Variants in WBP1L observed in about 807,000 individuals in gnomAD.
WBP1L encodes the protein WW domain binding protein 1-like.
WBP1L carries 17 observed loss-of-function variants against 33.7 expected under a neutral mutation model. The observed-to-expected ratio is 0.50, with a 90% CI of 0.34 to 0.76. WBP1L has a LOEUF of 0.76. WBP1L is among the 30% of genes least tolerant of loss of function. The pLI is 0.01. For synonymous variants in WBP1L, 173 were observed against 190.8 expected, an observed-to-expected ratio of 0.91 and a Z score of 0.77; for missense variants, 389 against 469.4, an observed-to-expected ratio of 0.83 and a Z score of 1.58.
rs544765642 is a variant in WBP1L at position 102,789,787 on chromosome 10, G to C, written c.91-8206G>C. Among the ~76,000 whole-genome samples the C allele has an allele frequency of 9.5e-5, 14 of 147,766 alleles. No homozygotes were observed. In the East Asian group the frequency reaches 2.3e-3, roughly 25 times the overall value. On this transcript the variant is annotated intron_variant, in intron 1 of 3. Transcript: ENST00000448841. ...TTTGACAGTCTCACTCTGTCACCCA[G>C]GCTGGAGTGCAGTGGCATGATCTCG...
chr10:102,812,597 T>C lies in WBP1L; in HGVS notation c.358T>C (p.Phe120Leu). 1 of 1,570,584 alleles carries C rather than the reference T, an allele frequency of 6.4e-7. No individual in the cohort carries two copies. The highest frequency in any genetic ancestry group is 8.7e-7 in the Non-Finnish European group (1 of 1,154,966). ...NYSALPFYFRFLPNYLLPPYE... is the reference protein window; with the variant it reads ...NYSALPFYFRLLPNYLLPPYE... ...TCCTTCCTACCTCCCCATTTTAGGG[T>C]TTTTGCCAAACTATTTACTACCTCC... is the stretch of plus-strand genomic sequence containing the variant. Residue 120 changes from phenylalanine to leucine, a missense_variant and splice_region_variant, in exon 4 of 4, where the codon TTT (phenylalanine) becomes CTT (leucine). Transcript: ENST00000448841.
intron 1 of WBP1L, among the ~76,000 whole-genome samples, chr10:102,760,527 C>G (rs375042410): frequency 6.6e-6 from 1 of 152,078 alleles, no homozygotes; most frequent in South Asian, 2.1e-4. Flanking sequence ...CGGGCATGCA[C>G]CACCACGCCC....
At chr10:102,792,952 A>G (rs1843524362) in intron 1 of WBP1L, among the ~76,000 whole-genome samples, 1 of 152,128 alleles carries the variant, frequency 6.6e-6, no homozygotes, top group South Asian at 2.1e-4. Context: ...TCCTCCCAGA[A>G]GCTGTTCTGG....
chr10:102,768,125 C>T (rs1345362462), intron 1 of WBP1L, among the ~76,000 whole-genome samples: 2 of 152,172 alleles, frequency 1.3e-5, no homozygotes, highest in African/African-American at 4.8e-5. Flanking sequence ...GGCTGACATG[C>T]ATTGGCATGA....
chr10:102,765,594 G>A (rs980201595), intron 1 of WBP1L, among the ~76,000 whole-genome samples: 1 of 152,124 alleles, frequency 6.6e-6, no homozygotes. Flanking sequence ...TTTCTTGAGG[G>A]CCTGCTTTGT....
At chr10:102,798,317 G>C (rs1417194224) in intron 2 of WBP1L, among the ~76,000 whole-genome samples, 1 of 152,208 alleles carries the variant, frequency 6.6e-6, no homozygotes, top group African/African-American at 2.4e-5. Context: ...GTCTTAGCCA[G>C]GTCTGCTGCA....
chr10:102,746,160 G>C, intron 1 of WBP1L: 1 of 985,362 alleles, frequency 1.0e-6, no homozygotes, highest in Non-Finnish European at 1.2e-6. Flanking sequence ...CTACCAGGTC[G>C]TGGAGCCTGG....
intron 1 of WBP1L, among the ~76,000 whole-genome samples, chr10:102,747,788 A>G (rs151098496): frequency 0.016 from 2,498 of 152,250 alleles, 58 homozygotes; most frequent in African/African-American, 0.056. Flanking sequence ...TCAGCCTCCC[A>G]GAGTGTTGGG....
At chr10:102,775,164 C>T (rs906582092) in intron 1 of WBP1L, among the ~76,000 whole-genome samples, 11 of 150,218 alleles carry the variant, frequency 7.3e-5, no homozygotes, top group Middle Eastern at 3.5e-3. Context: ...TTATAAAGCT[C>T]CTCTGAAGAT....
rs192849999 is a variant in WBP1L at position 102,781,761 on chromosome 10, C to T, written c.91-16232C>T. Among the ~76,000 whole-genome samples the T allele has an allele frequency of 7.2e-5, 11 of 151,974 alleles. No homozygotes were observed. The East Asian group carries it at 2.1e-3, about 29-fold the overall frequency. On this transcript the variant is annotated intron_variant, in intron 1 of 3. Coordinates refer to ENST00000448841, the MANE Select transcript of WBP1L (RefSeq NM_001083913.2). ...GTTGAAGCCAGAATCCTTATCTAAA[C>T]TGATTTGTGAAAGTCTTGTGACAGC...
chr10:102,781,768 G>A (rs1239848157), intron 1 of WBP1L, among the ~76,000 whole-genome samples: 2 of 151,898 alleles, frequency 1.3e-5, no homozygotes, highest in Non-Finnish European at 2.9e-5. Context: ...AAACTGATTT[G>A]TGAAAGTCTT....
Position 102,784,913 on chromosome 10 carries a change from G to A in WBP1L, c.91-13080G>A, listed in dbSNP as rs1447415118. 3.5e-5 allele frequency among the ~76,000 whole-genome samples: 5 copies of A among 144,066 alleles called. No homozygotes were observed. In the South Asian group the frequency reaches 8.8e-4, roughly 25 times the overall value. The allele number at this position is 144,066 out of a possible 152,430, so 94.5% of individuals were successfully genotyped here. A position where few individuals can be genotyped will look rare whatever the true frequency, so the allele number is the denominator to read the frequency against. On this transcript the variant is annotated intron_variant, in intron 1 of 3. Transcript: ENST00000448841. ...TAGGGCGGGGACAGAGTCTTGCTCT[G>A]TTACCTGGGCTGGAGTGCAATGGCA... is the stretch of plus-strand genomic sequence containing the variant.
At chr10:102,775,956 C>T (rs1450860457) in intron 1 of WBP1L, among the ~76,000 whole-genome samples, 1 of 152,176 alleles carries the variant, frequency 6.6e-6, no homozygotes, top group South Asian at 2.1e-4. Context: ...CAAGGGGTTG[C>T]AGCAGCCTGC....
intron 1 of WBP1L, among the ~76,000 whole-genome samples, chr10:102,773,756 T>G (rs1356697746): frequency 6.6e-6 from 1 of 151,290 alleles, no homozygotes; most frequent in East Asian, 1.9e-4. Flanking sequence ...CTGAGTGTGG[T>G]GGCGTGGTGG....
chr10:102,766,298 T>C (rs995308586), intron 1 of WBP1L, among the ~76,000 whole-genome samples: 2 of 151,876 alleles, frequency 1.3e-5, no homozygotes, highest in African/African-American at 4.8e-5. Flanking sequence ...AAAAATTAGC[T>C]GGGCATGGTG....
intron 1 of WBP1L, among the ~76,000 whole-genome samples, chr10:102,796,253 C>T (rs1843572037): frequency 6.6e-6 from 1 of 152,116 alleles, no homozygotes; most frequent in South Asian, 2.1e-4. Flanking sequence ...GTGAGGGCCT[C>T]ATTGTCAGGG....
At position 102,815,858 on chromosome 10, in the gene WBP1L, A is replaced by G. The variant is rs1311448368; in HGVS notation, c.*2527A>G. On this transcript the variant is annotated 3_prime_UTR_variant, in exon 4 of 4. Coordinates refer to ENST00000448841, the MANE Select transcript of WBP1L (RefSeq NM_001083913.2). ...CAGCGTCCTATCCTAAAGGCACGAG[A>G]AGACGGAAATGCAACCTGCGGAGCT... is the stretch of plus-strand genomic sequence containing the variant. 1 of 152,440 alleles carries G rather than the reference A, an allele frequency of 6.6e-6. No individual in the cohort carries two copies. Among genetic ancestry groups the G allele is most frequent in the African/African-American group, 2.4e-5 (1 of 41,454 alleles). The allele number at this position is 152,440 out of a possible 1,614,324, so 9.4% of individuals were successfully genotyped here. A position where few individuals can be genotyped will look rare whatever the true frequency, so the allele number is the denominator to read the frequency against.
chr10:102,804,794 CAT>C (rs2134064142), intron 2 of WBP1L, among the ~76,000 whole-genome samples: 1 of 152,212 alleles, frequency 6.6e-6, no homozygotes, highest in Non-Finnish European at 1.5e-5. Flanking sequence ...CTCTAAGTGA[CAT>C]ATATCACATC....
rs142080318 is a variant in WBP1L at position 102,765,260 on chromosome 10, C to T, written c.90+21117C>T. ...TTTTATGATCCTTTTTTTTTCCAGA[C>T]AGGATCTTGCACAGGCTGGAGTGCA... On this transcript the variant is annotated intron_variant, in intron 1 of 3. Transcript: ENST00000448841. 1.7e-3 allele frequency among the ~76,000 whole-genome samples: 262 copies of T among 152,012 alleles called. 4 individuals carry two copies. The Middle Eastern group carries it at 0.051, about 30-fold the overall frequency.
Sources: allele counts gnomAD v4.1 joint callset (sites outside exome capture counted in the v4.1 genomes callset), GRCh38; gene constraint gnomAD v4.1.1; transcripts MANE v1.5; gene names NCBI Gene and HGNC (gene_info 2026-07-23, HGNC 2026-07-21).